The following RNF4 variants were observed in gnomAD, a reference collection of about 807,000 sequenced individuals.
RNF4 encodes the protein E3 ubiquitin-protein ligase RNF4.
Under a neutral mutation model 24.3 loss-of-function variants are expected in RNF4, and 7 were observed. The ratio of observed to expected loss-of-function variants is 0.29; its 90% CI spans 0.16 to 0.54. RNF4 has a LOEUF of 0.54. Ranked by LOEUF, RNF4 falls within the 20% of genes least tolerant of loss-of-function variation. The pLI, the probability that RNF4 is intolerant of heterozygous loss-of-function variation, is 0.95. For synonymous variants in RNF4, 83 were observed against 84.3 expected, an observed-to-expected ratio of 0.98 and a Z score of 0.09; for missense variants, 209 against 248.5, an observed-to-expected ratio of 0.84 and a Z score of 1.07.
intron 3 of RNF4, among the ~76,000 whole-genome samples, chr4:2,499,712 T>C (rs2108769414): frequency 6.6e-6 from 1 of 152,282 alleles, no homozygotes; most frequent in South Asian, 2.1e-4. Context: ...CCTGTGCACA[T>C]GTAGACATCA....
At chr4:2,494,666 CA>C (rs1300729642) in intron 2 of RNF4, 1 of 152,236 alleles carries the variant, frequency 6.6e-6, no homozygotes, top group Non-Finnish European at 1.5e-5. Context: ...AGGCATGCGC[CA>C]CCACACCTGG....
chr4:2,512,446 A>C lies in RNF4; in HGVS notation c.223A>C (p.Arg75=), dbSNP rs368920708. ...GTGACCTCTTACCTTAGAAAGAAGA[A>C]GACCAAGGAGGAATGCTAGGAGGCT... The part of the protein sequence containing the change: ...DSVVIVDERR[R]PRRNARRLPQ... The change falls in exon 6 of 8, where the codon AGA becomes CGA. Residue 75 remains arginine (R), a synonymous_variant. Coordinates refer to ENST00000314289, the MANE Select transcript of RNF4 (RefSeq NM_002938.5). This position sits in a 1 kb window ranked among gnomAD's most constrained non-coding sequence, Gnocchi z 4.1. The C allele has an allele frequency of 1.4e-4, 224 of 1,610,320 alleles. No individual in the cohort carries two copies. Among genetic ancestry groups the C allele is most frequent in the African/African-American group, 1.2e-3 (88 of 74,930 alleles).
intron 2 of RNF4, among the ~76,000 whole-genome samples, chr4:2,492,068 G>A (rs1230451766): frequency 6.6e-6 from 1 of 151,894 alleles, no homozygotes; most frequent in Non-Finnish European, 1.5e-5. Context: ...CATAGTTGGC[G>A]GGCGCCTGTA....
chr4:2,476,397 T>C (rs1269667841), intron 1 of RNF4, among the ~76,000 whole-genome samples: 2 of 152,094 alleles, frequency 1.3e-5, no homozygotes, highest in Admixed American at 1.3e-4. Flanking sequence ...GTTTTTTTGT[T>C]TTTTGTTTGT....
At chr4:2,496,590 A>G (rs1289188651) in intron 2 of RNF4, among the ~76,000 whole-genome samples, 1 of 152,110 alleles carries the variant, frequency 6.6e-6, no homozygotes, top group African/African-American at 2.4e-5. Flanking sequence ...CCTCTGGAGT[A>G]GCTGGGATTA....
At chr4:2,490,643 T>A (rs1735552028) in intron 2 of RNF4, 141 bp downstream of exon 2, 2 of 827,026 alleles carry the variant, frequency 2.4e-6, no homozygotes, top group African/African-American at 3.4e-5. Flanking sequence ...ATAGGAGCTT[T>A]CTGGTGGTTA....
Position 2,511,946 on chromosome 4 carries a change from T to G in RNF4, c.205-10T>G. On this transcript the variant is annotated splice_polypyrimidine_tract_variant and intron_variant, in intron 4 of 7. Transcript: ENST00000314289. ...TCTTTCTCTTTTGTTTTTCTCCTTC[T>G]GTTTACAAGATTGTTGACGGTGAGT... 6.2e-7 allele frequency: 1 copy of G among 1,604,646 alleles called. No homozygotes were observed. The highest frequency in any genetic ancestry group is 8.5e-7 in the Non-Finnish European group (1 of 1,175,306).
At chr4:2,496,964 A>C in intron 2 of RNF4, 43 bp from the exon 3 acceptor site, 1 of 1,435,710 alleles carries the variant, frequency 7.0e-7, no homozygotes, top group South Asian at 1.2e-5. Context: ...AAACCCTGAC[A>C]TTCTGGTGTT....
At chr4:2,483,987 CA>C (rs1560402593) in intron 1 of RNF4, among the ~76,000 whole-genome samples, 1 of 133,664 alleles carries the variant, frequency 7.5e-6, no homozygotes, top group African/African-American at 2.8e-5. Flanking sequence ...CCACCACACC[CA>C]GCTAATTGTT....
chr4:2,478,756 C>T (rs1735159685), intron 1 of RNF4, among the ~76,000 whole-genome samples: 3 of 152,220 alleles, frequency 2.0e-5, no homozygotes, highest in South Asian at 2.1e-4. Flanking sequence ...AGGGGCGGGA[C>T]ACTCATGGAG....
intron 4 of RNF4, among the ~76,000 whole-genome samples, chr4:2,506,537 T>TTTC (rs957677034): frequency 3.9e-5 from 6 of 151,920 alleles, no homozygotes; most frequent in Non-Finnish European, 7.4e-5. Flanking sequence ...AGTTGTGTGC[T>TTTC]TTCTCCAAAT....
chr4:2,474,646 A>G (rs941464194), intron 1 of RNF4, among the ~76,000 whole-genome samples: 2 of 152,188 alleles, frequency 1.3e-5, no homozygotes, highest in African/African-American at 4.8e-5. Flanking sequence ...CTGTGGGTAA[A>G]ATGCTGTCAC....
chr4:2,493,141 G>A (rs1735629522), intron 2 of RNF4, among the ~76,000 whole-genome samples: 1 of 152,108 alleles, frequency 6.6e-6, no homozygotes, highest in South Asian at 2.1e-4. Flanking sequence ...CTTGGGAGGA[G>A]GAGGCTCAGA....
At chr4:2,505,778 GGCTAGAAT>G (rs1030331234) in intron 4 of RNF4, 8 of 123,590 alleles carry the variant, frequency 6.5e-5, no homozygotes, top group African/African-American at 2.5e-4. Flanking sequence ...CTGTCACTCA[GGCTAGAAT>G]GCAGTAGCGT....
At position 2,515,294 on chromosome 4, in the gene RNF4, CTA is replaced by C. The variant is rs1209469598; in HGVS notation, c.*1477_*1478del. On this transcript the variant is annotated 3_prime_UTR_variant, in exon 8 of 8. Transcript: ENST00000314289. ...ACGGGGCTGAAGGAGTGTCCCTCCT[CTA>C]TGTGAAAAGAAAATTGTTTTATTCT... 2.6e-5 allele frequency: 4 copies of C among 152,642 alleles called. No homozygotes were observed. Among genetic ancestry groups the C allele is most frequent in the South Asian group, 2.1e-4 (1 of 4,824 alleles). 9.5% of individuals were successfully genotyped at this position (152,642 alleles called of 1,614,324 possible).
intron 4 of RNF4, chr4:2,505,558 C>G (rs1486615942): frequency 6.7e-6 from 1 of 150,124 alleles, no homozygotes; most frequent in African/African-American, 2.5e-5. Context: ...ATCTCCTGAC[C>G]TCGTGATCCG....
At chr4:2,478,094 A>G (rs1448552462) in intron 1 of RNF4, among the ~76,000 whole-genome samples, 1 of 152,194 alleles carries the variant, frequency 6.6e-6, no homozygotes, top group Non-Finnish European at 1.5e-5. Flanking sequence ...TGTTTCAGCA[A>G]AGAGACTAGC....
chr4:2,501,576 A>G (rs1735913039), intron 4 of RNF4, among the ~76,000 whole-genome samples: 2 of 152,244 alleles, frequency 1.3e-5, no homozygotes. Flanking sequence ...TTCATGGTGC[A>G]TGCAGGTCTG....
rs369919967 is a variant in RNF4, at chr4:2,509,530, C to A, written c.205-2426C>A. On this transcript the variant is annotated intron_variant, in intron 4 of 7. Transcript: ENST00000314289. ...ACCGCGCCCAGCCTGTGGTGTTGTT[C>A]TTATACTGAAGACTCATCTGGAAGC... is the stretch of plus-strand genomic sequence containing the variant. Among the ~76,000 whole-genome samples, 46 of 152,180 alleles carry A rather than the reference C, an allele frequency of 3.0e-4. 2 individuals carry two copies. The South Asian group carries it at 8.9e-3, about 30-fold the overall frequency.
Sources: gnomAD v4.1 joint callset for allele counts (sites outside exome capture counted in the v4.1 genomes callset) on GRCh38, gnomAD v4.1.1 for gene constraint, Gnocchi (gnomAD v3.1) non-coding constraint, MANE v1.5 for transcripts, NCBI Gene and HGNC (gene_info 2026-07-23, HGNC 2026-07-21) for gene names.